AKT3: variants seen among roughly 807,000 people sequenced by gnomAD.
The protein encoded by AKT3 is RAC-gamma serine/threonine-protein kinase.
In AKT3, 15 loss-of-function variants were observed where a neutral mutation model predicts 65.3. That is an observed-to-expected ratio of 0.23 (90% confidence interval 0.15 to 0.35). AKT3 has a LOEUF of 0.35. Among genes scored for constraint, AKT3 ranks in the 10% least tolerant of loss-of-function variants. The pLI, the probability that AKT3 is intolerant of heterozygous loss-of-function variation, is 1.00. For synonymous variants in AKT3, 206 were observed against 183.8 expected (o/e 1.12, Z -0.98); for missense variants, 243 against 576.5 (o/e 0.42, Z 5.92).
intron 8 of AKT3, among the ~76,000 whole-genome samples, chr1:243,603,397 T>C (rs535917149): frequency 6.6e-6 from 1 of 152,318 alleles, no homozygotes; most frequent in African/African-American, 2.4e-5. Flanking sequence ...TTGTACCTAA[T>C]CTCTCCTTAA....
chr1:243,701,074 G>T (rs892927476), intron 2 of AKT3, among the ~76,000 whole-genome samples: 1 of 152,122 alleles, frequency 6.6e-6, no homozygotes, highest in Non-Finnish European at 1.5e-5. Flanking sequence ...ACTCTACTGA[G>T]AATCACATTT....
Position 243,583,164 on chromosome 1 carries a change from G to GTA in AKT3, c.697-10117_697-10116insTA, listed in dbSNP as rs1383107055. Among the ~76,000 whole-genome samples the GTA allele has an allele frequency of 1.8e-3, 134 of 74,902 alleles. 1 individual carries two copies. The highest frequency in any genetic ancestry group is 4.5e-3 in the African/African-American group (105 of 23,426). The allele number at this position is 74,902 out of a possible 152,430, so 49.1% of individuals were successfully genotyped here. ...ATATATCTCTCTCTTCCATGTATAT[G>GTA]TGTGTGTATATATATATATATATAT... is the stretch of plus-strand genomic sequence containing the variant. On this transcript the variant is annotated intron_variant, in intron 8 of 13. Coordinates refer to ENST00000673466, the MANE Select transcript of AKT3 (RefSeq NM_005465.7).
intron 9 of AKT3, among the ~76,000 whole-genome samples, chr1:243,569,148 G>C (rs1215270318): frequency 3.3e-5 from 5 of 152,142 alleles, no homozygotes; most frequent in Non-Finnish European, 4.4e-5. Context: ...TCTGCACATT[G>C]CAAGTTTAAG....
At chr1:243,632,248 G>T (rs1338877200) in intron 6 of AKT3, among the ~76,000 whole-genome samples, 1 of 152,076 alleles carries the variant, frequency 6.6e-6, no homozygotes, top group Non-Finnish European at 1.5e-5. Flanking sequence ...TGAAATAATG[G>T]GCTGCAGAAT....
intron 2 of AKT3, among the ~76,000 whole-genome samples, chr1:243,747,138 G>A (rs77088386): frequency 1.3e-5 from 2 of 152,166 alleles, no homozygotes; most frequent in East Asian, 3.9e-4. Context: ...AGGCCTTTGG[G>A]GATTAGAGAT....
At chr1:243,772,247 C>A (rs1425167706) in intron 2 of AKT3, among the ~76,000 whole-genome samples, 8 of 151,978 alleles carry the variant, frequency 5.3e-5, no homozygotes, top group Admixed American at 3.3e-4. Flanking sequence ...TCAGAGTGAA[C>A]AGGCAACCTA....
intron 2 of AKT3, among the ~76,000 whole-genome samples, chr1:243,749,317 C>A (rs1420737464): frequency 1.3e-5 from 2 of 152,090 alleles, no homozygotes; most frequent in East Asian, 3.9e-4. Context: ...TTATTTCATT[C>A]ATCTCTAGTT....
intron 2 of AKT3, among the ~76,000 whole-genome samples, chr1:243,839,961 T>A (rs1309916158): frequency 2.6e-5 from 4 of 150,992 alleles, no homozygotes; most frequent in African/African-American, 7.3e-5. Flanking sequence ...GGCAGGCAGA[T>A]CACGAAGTCA....
intron 10 of AKT3, among the ~76,000 whole-genome samples, chr1:243,557,750 T>G (rs1188775379): frequency 1.3e-5 from 2 of 152,094 alleles, no homozygotes; most frequent in South Asian, 4.1e-4. Context: ...ACTCCTTTAA[T>G]GTTCCCTTTA....
At chr1:243,654,037 T>G (rs1681575560) in intron 4 of AKT3, among the ~76,000 whole-genome samples, 1 of 152,182 alleles carries the variant, frequency 6.6e-6, no homozygotes. Context: ...TATTTTTATA[T>G]ATATCCTTAG....
intron 3 of AKT3, among the ~76,000 whole-genome samples, chr1:243,671,738 C>T (rs1014761092): frequency 6.6e-6 from 1 of 152,078 alleles, no homozygotes; most frequent in Non-Finnish European, 1.5e-5. Flanking sequence ...TTCATTTAAT[C>T]CAAAGGAAAA....
At chr1:243,843,326 AACTC>A in intron 1 of AKT3, 44 bp from the exon 2 acceptor site, 1 of 1,374,502 alleles carries the variant, frequency 7.3e-7, no homozygotes. Context: ...CCATTCTTGC[AACTC>A]ACAGAGCAAT....
chr1:243,573,145 TGATA>T lies in AKT3; in HGVS notation c.697-101_697-98del. The T allele has an allele frequency of 3.6e-6, 5 of 1,399,368 alleles. No homozygotes were observed. The South Asian group carries it at 4.0e-5, about 11-fold the overall frequency. The allele number at this position is 1,399,368 out of a possible 1,614,324, so 86.7% of individuals were successfully genotyped here. A position where few individuals can be genotyped will look rare whatever the true frequency, so the allele number is the denominator to read the frequency against. On this transcript the variant is annotated intron_variant, in intron 8 of 13. Coordinates refer to ENST00000673466, the MANE Select transcript of AKT3 (RefSeq NM_005465.7). ...AACACCTCTCATCACCATATTGTGA[TGATA>T]GATAGTGTACTCTCAGTGGACACTG...
chr1:243,740,452 T>TGCA (rs1272004297), intron 2 of AKT3, among the ~76,000 whole-genome samples: 1 of 152,350 alleles, frequency 6.6e-6, no homozygotes, highest in East Asian at 1.9e-4. Flanking sequence ...ATCCTTGGTA[T>TGCA]GCAGGATTCT....
chr1:243,607,375 G>C (rs560086980), intron 8 of AKT3, among the ~76,000 whole-genome samples: 1 of 152,352 alleles, frequency 6.6e-6, no homozygotes, highest in African/African-American at 2.4e-5. Flanking sequence ...AGCATGATCT[G>C]GATGTCAGAC....
chr1:243,809,837 C>G (rs968354982), intron 2 of AKT3, among the ~76,000 whole-genome samples: 1 of 152,194 alleles, frequency 6.6e-6, no homozygotes, highest in African/African-American at 2.4e-5. Context: ...AACTGTTTCT[C>G]AGACCACAGT....
At chr1:243,695,806 C>T in intron 2 of AKT3, 90 bp from the exon 3 acceptor site, 1 of 1,131,858 alleles carries the variant, frequency 8.8e-7, no homozygotes, top group Non-Finnish European at 1.1e-6. Flanking sequence ...ATATGTCCTA[C>T]AACACTGGCC....
rs575720193 is a variant in AKT3, at chr1:243,749,841, A to G, written c.47-54125T>C. Among the ~76,000 whole-genome samples, 4 of 152,286 alleles carry G rather than the reference A, an allele frequency of 2.6e-5. No individual in the cohort carries two copies. In the East Asian group the frequency reaches 5.8e-4, roughly 22 times the overall value. ...ACTCTTCAACTCCTGCCAATTTGCT[A>G]TTTACCATCACTACTACTGATCTCC... On this transcript the variant is annotated intron_variant, in intron 2 of 13. Transcript: ENST00000673466.
intron 6 of AKT3, among the ~76,000 whole-genome samples, chr1:243,631,371 G>A (rs772768311): frequency 1.3e-5 from 2 of 152,062 alleles, no homozygotes; most frequent in Non-Finnish European, 2.9e-5. Flanking sequence ...GAGTGCAGTG[G>A]CACGATCTTG....
Sources: allele counts gnomAD v4.1 joint callset (sites outside exome capture counted in the v4.1 genomes callset), GRCh38; gene constraint gnomAD v4.1.1; transcripts MANE v1.5; gene names NCBI Gene and HGNC (gene_info 2026-07-23, HGNC 2026-07-21).